Variants in MGAT4C observed in about 807,000 individuals in gnomAD.
MGAT4C encodes the protein MGAT4 family member C.
MGAT4C carries 19 observed loss-of-function variants against 40.1 expected under a neutral mutation model. The ratio of observed to expected loss-of-function variants is 0.47; its 90% CI spans 0.33 to 0.70. MGAT4C has a LOEUF of 0.70. Among genes scored for constraint, MGAT4C ranks in the 30% least tolerant of loss-of-function variants. The pLI is 0.02. For missense variants in MGAT4C, 491 were observed against 563.2 expected (o/e 0.87, Z 1.30); for synonymous variants, 181 against 187.1 (o/e 0.97, Z 0.27).
rs922275681 is a variant in MGAT4C, at chr12:86,036,063, T to C, written c.-7+13611A>G. Among the ~76,000 whole-genome samples, 21 of 150,048 alleles carry C rather than the reference T, an allele frequency of 1.4e-4. 2 individuals carry two copies. The highest frequency in any genetic ancestry group is 9.0e-5 in the Non-Finnish European group (6 of 66,918). Reference sequence around the variant, plus strand: ...AAAATTGTCTTGGATATGCAGACTCTTTTTTGGTTCCATATGAAATTTGAA... The same window carrying C: ...AAAATTGTCTTGGATATGCAGACTCCTTTTTGGTTCCATATGAAATTTGAA... On this transcript the variant is annotated intron_variant, in intron 2 of 4. Coordinates refer to ENST00000611864, the MANE Select transcript of MGAT4C (RefSeq NM_001351288.2).
At chr12:86,053,812 T>A (rs551682537) in intron 1 of MGAT4C, among the ~76,000 whole-genome samples, 2 of 151,866 alleles carry the variant, frequency 1.3e-5, no homozygotes, top group South Asian at 2.1e-4. Context: ...GGTATATACA[T>A]AAAATGACCA....
At chr12:86,307,870 A>T (rs1320846345) in intron 4 of MGAT4C, among the ~76,000 whole-genome samples, 1 of 149,532 alleles carries the variant, frequency 6.7e-6, no homozygotes, top group Admixed American at 6.6e-5. Flanking sequence ...GTCCGGCTAA[A>T]TTTTTTGTAT....
At position 86,611,388 on chromosome 12, in the gene MGAT4C, A is replaced by ATAGGTAGG. The variant is rs150541086; in HGVS notation, c.-229+115813_-229+115820dup. Among the ~76,000 whole-genome samples the ATAGGTAGG allele has an allele frequency of 6.1e-3, 911 of 148,216 alleles. 11 individuals are homozygous for ATAGGTAGG. Among genetic ancestry groups the ATAGGTAGG allele is most frequent in the Middle Eastern group, 0.024 (7 of 290 alleles). On this transcript the variant is annotated intron_variant, in intron 2 of 7. Coordinates refer to the MGAT4C transcript ENST00000548651. ...AGACAAACAGATAGAGGTCCCATAG[A>ATAGGTAGG]TAGGTAGGTAGGTAGGTAGGTAGGT... is the stretch of plus-strand genomic sequence containing the variant.
intron 2 of MGAT4C, among the ~76,000 whole-genome samples, chr12:86,692,328 A>G (rs1268000657): frequency 1.3e-5 from 2 of 152,198 alleles, no homozygotes; most frequent in Admixed American, 1.3e-4. Context: ...ACATGTTATC[A>G]CATGTATACA....
chr12:86,631,814 T>C (rs1319926158), intron 2 of MGAT4C, among the ~76,000 whole-genome samples: 6 of 151,888 alleles, frequency 4.0e-5, no homozygotes, highest in Non-Finnish European at 7.4e-5. Flanking sequence ...AGAAGAAAAC[T>C]TAGGCAATAC....
chr12:86,084,612 T>C (rs1871398881), intron 1 of MGAT4C, among the ~76,000 whole-genome samples: 1 of 151,858 alleles, frequency 6.6e-6, no homozygotes, highest in African/African-American at 2.4e-5. Context: ...CACCTATATT[T>C]ATGGGTGTTA....
chr12:86,588,281 C>CA (rs1961156155), intron 2 of MGAT4C, among the ~76,000 whole-genome samples: 1 of 151,692 alleles, frequency 6.6e-6, no homozygotes, highest in Non-Finnish European at 1.5e-5. Flanking sequence ...GACTTTAAAC[C>CA]AAAAAAGATC....
In MGAT4C at chr12:86,189,721, T is replaced by C. The variant is rs56999849; in HGVS notation, c.-57+66518A>G. Among the ~76,000 whole-genome samples the C allele has an allele frequency of 3.6e-3, 544 of 152,128 alleles. 3 individuals are homozygous for C. The highest frequency in any genetic ancestry group is 0.013 in the African/African-American group (530 of 41,538). On this transcript the variant is annotated intron_variant, in intron 1 of 4. Transcript: ENST00000611864. ...CATTTTAAATGACAAATCCAATTAT[T>C]TTCTTTGAAAGCAAAACAAAAACTA...
intron 1 of MGAT4C, among the ~76,000 whole-genome samples, chr12:86,146,869 T>C (rs1178493962): frequency 6.6e-6 from 1 of 152,112 alleles, no homozygotes; most frequent in East Asian, 1.9e-4. Flanking sequence ...TGTACTTTCA[T>C]GTCCATTTAC....
chr12:86,627,151 A>C (rs1313806888), intron 2 of MGAT4C, among the ~76,000 whole-genome samples: 2 of 54,206 alleles, frequency 3.7e-5, no homozygotes, highest in Non-Finnish European at 7.1e-5. Flanking sequence ...ACTGCCAAGC[A>C]GCAAGCCTGG....
chr12:86,662,248 C>T lies in MGAT4C; in HGVS notation c.-229+64961G>A, dbSNP rs544085884. On this transcript the variant is annotated intron_variant, in intron 2 of 7. Transcript: ENST00000548651. ...TATCCCATAAGTCATTGTTTTATAC[C>T]GAATACAATCACAAAATTATATTTG... 9.9e-5 allele frequency among the ~76,000 whole-genome samples: 15 copies of T among 151,940 alleles called. No individual in the cohort carries two copies. The East Asian group carries it at 2.3e-3, about 24-fold the overall frequency.
intron 1 of MGAT4C, among the ~76,000 whole-genome samples, chr12:86,116,711 G>C (rs949564548): frequency 6.6e-6 from 1 of 152,006 alleles, no homozygotes; most frequent in Non-Finnish European, 1.5e-5. Flanking sequence ...AGCAAGATGG[G>C]GGATGGGATG....
At chr12:86,576,872 T>C (rs1192175079) in intron 2 of MGAT4C, among the ~76,000 whole-genome samples, 2 of 151,872 alleles carry the variant, frequency 1.3e-5, no homozygotes, top group Non-Finnish European at 2.9e-5. Flanking sequence ...ATCATTGGTA[T>C]TTTCATAGGG....
chr12:86,145,195 G>T (rs528012504), intron 1 of MGAT4C, among the ~76,000 whole-genome samples: 18 of 152,040 alleles, frequency 1.2e-4, no homozygotes, highest in Non-Finnish European at 2.6e-4. Flanking sequence ...ATAAATTCTG[G>T]CCTGACTAAC....
At chr12:86,492,322 C>T (rs574711104) in intron 2 of MGAT4C, among the ~76,000 whole-genome samples, 4 of 151,950 alleles carry the variant, frequency 2.6e-5, no homozygotes, top group South Asian at 2.1e-4. Context: ...GAACCAAAAA[C>T]GAGCCCGCAT....
chr12:86,180,076 T>G (rs541383049), intron 1 of MGAT4C, among the ~76,000 whole-genome samples: 1 of 152,264 alleles, frequency 6.6e-6, no homozygotes, highest in East Asian at 1.9e-4. Context: ...CCTTGGGACT[T>G]GGTGCCCTGT....
chr12:86,312,945 C>T (rs923658907), intron 4 of MGAT4C, among the ~76,000 whole-genome samples: 1 of 151,992 alleles, frequency 6.6e-6, no homozygotes, highest in African/African-American at 2.4e-5. Flanking sequence ...TTTAATATAT[C>T]AAAAGGCTTT....
rs180810875 is a variant in MGAT4C at position 86,463,619 on chromosome 12, T to G, written c.-228-28354A>C. On this transcript the variant is annotated intron_variant, in intron 2 of 7. Coordinates refer to the MGAT4C transcript ENST00000548651. ...TCCCTGACATACAAATTAGGTTAGA[T>G]TCACCTGAAATATCTTTATTTAAAA... Among the ~76,000 whole-genome samples the G allele has an allele frequency of 1.1e-3, 161 of 152,294 alleles. 2 individuals are homozygous for G. The highest frequency in any genetic ancestry group is 1.1e-3 in the Non-Finnish European group (76 of 68,014).
intron 1 of MGAT4C, among the ~76,000 whole-genome samples, chr12:86,062,450 GA>G (rs1894088050): frequency 6.6e-6 from 1 of 152,030 alleles, no homozygotes; most frequent in African/African-American, 2.4e-5. Context: ...GAAAATTCCA[GA>G]AACCAGAATG....
Sources: allele counts gnomAD v4.1 joint callset (sites outside exome capture counted in the v4.1 genomes callset), GRCh38; gene constraint gnomAD v4.1.1; transcripts MANE v1.5; gene names NCBI Gene and HGNC (gene_info 2026-07-23, HGNC 2026-07-21).